Variants in NXPH2 observed in about 807,000 individuals in gnomAD.
The protein encoded by NXPH2 is neurexophilin-2.
In NXPH2, 5 loss-of-function variants were observed where a neutral mutation model predicts 19.8. The ratio of observed to expected loss-of-function variants is 0.25; its 90% CI spans 0.13 to 0.53. NXPH2 has a LOEUF of 0.53. Ranked by LOEUF, NXPH2 falls within the 20% of genes least tolerant of loss-of-function variation. NXPH2 has a pLI of 0.96. For synonymous variants in NXPH2, 154 were observed against 127.4 expected (o/e 1.21, Z -1.41); for missense variants, 289 against 322.8 (o/e 0.90, Z 0.80).
rs141931833 is a variant in NXPH2 at position 138,707,790 on chromosome 2, T to A, written c.52-36125A>T. Among the ~76,000 whole-genome samples the A allele has an allele frequency of 5.8e-4, 89 of 152,328 alleles. No homozygotes were observed. The East Asian group carries it at 0.013, about 23-fold the overall frequency. Reference sequence around the variant, plus strand: ...TGCCAGGTCTTAAAATTATCCCTTGTAACTTTCTTCTCTGTGGATTTGGCC... The same window carrying A: ...TGCCAGGTCTTAAAATTATCCCTTGAAACTTTCTTCTCTGTGGATTTGGCC... On this transcript the variant is annotated intron_variant, in intron 1 of 1. Coordinates refer to ENST00000272641, the MANE Select transcript of NXPH2 (RefSeq NM_007226.3).
intron 1 of NXPH2, among the ~76,000 whole-genome samples, chr2:138,738,894 A>C (rs1266209840): frequency 6.6e-6 from 1 of 152,196 alleles, no homozygotes; most frequent in Non-Finnish European, 1.5e-5. Flanking sequence ...ACAGGCCTAT[A>C]AGACCTTGTC....
chr2:138,775,206 T>A lies in NXPH2; in HGVS notation c.51+4985A>T, dbSNP rs377124492. Among the ~76,000 whole-genome samples, 24 of 152,292 alleles carry A rather than the reference T, an allele frequency of 1.6e-4. No individual in the cohort carries two copies. In the South Asian group the frequency reaches 4.8e-3, roughly 30 times the overall value. ...TAAATAATGGAAATTTCATTTTTAA[T>A]GGTAATTCTATAAGGAAAGATAATT... On this transcript the variant is annotated intron_variant, in intron 1 of 1. Coordinates refer to ENST00000272641, the MANE Select transcript of NXPH2 (RefSeq NM_007226.3).
At chr2:138,672,814 A>G (rs1680433512) in intron 1 of NXPH2, among the ~76,000 whole-genome samples, 2 of 152,208 alleles carry the variant, frequency 1.3e-5, no homozygotes, top group Admixed American at 6.5e-5. Flanking sequence ...TATTCCCAAA[A>G]TTATTGCTTT....
At position 138,762,609 on chromosome 2, in the gene NXPH2, C is replaced by A. The variant is rs186792853; in HGVS notation, c.51+17582G>T. Among the ~76,000 whole-genome samples, 82 of 152,224 alleles carry A rather than the reference C, an allele frequency of 5.4e-4. 1 individual carries two copies. Among genetic ancestry groups the A allele is most frequent in the African/African-American group, 2.0e-3 (81 of 41,538 alleles). ...AAAAGATGAGAAGGGTTTATTACAC[C>A]CTAATATTTTTCTTGTTCAAAACCC... On this transcript the variant is annotated intron_variant, in intron 1 of 1. Transcript: ENST00000272641.
Position 138,669,432 on chromosome 2 carries a change from G to C in NXPH2, c.*1490C>G, listed in dbSNP as rs954921326. On this transcript the variant is annotated 3_prime_UTR_variant, in exon 2 of 2. Coordinates refer to ENST00000272641, the MANE Select transcript of NXPH2 (RefSeq NM_007226.3). ...TAAGCTTAGTACAATTTTTACAAAA[G>C]ACAAAAATTGAACACTGCAGATATT... Among the ~76,000 whole-genome samples, 1 of 151,972 alleles carries C rather than the reference G, an allele frequency of 6.6e-6. No homozygotes were observed. Among genetic ancestry groups the C allele is most frequent in the Non-Finnish European group, 1.5e-5 (1 of 67,968 alleles).
At chr2:138,719,922 C>A (rs924906055) in intron 1 of NXPH2, among the ~76,000 whole-genome samples, 2 of 152,008 alleles carry the variant, frequency 1.3e-5, no homozygotes, top group Admixed American at 1.3e-4. Flanking sequence ...GTGCAAATAG[C>A]TTTTTATAAA....
At chr2:138,692,925 A>T (rs919042548) in intron 1 of NXPH2, among the ~76,000 whole-genome samples, 1 of 152,216 alleles carries the variant, frequency 6.6e-6, no homozygotes, top group African/African-American at 2.4e-5. Context: ...CCTTTTGTTC[A>T]TATAAATTAA....
chr2:138,773,967 T>G (rs546438170), intron 1 of NXPH2, among the ~76,000 whole-genome samples: 2 of 152,340 alleles, frequency 1.3e-5, no homozygotes, highest in African/African-American at 4.8e-5. Context: ...CCAGTTTTTT[T>G]GTTTGTTTTA....
chr2:138,739,046 T>A (rs1336509668), intron 1 of NXPH2, among the ~76,000 whole-genome samples: 3 of 152,028 alleles, frequency 2.0e-5, no homozygotes, highest in African/African-American at 7.2e-5. Flanking sequence ...ATACAACGAG[T>A]TAAAATCCAC....
At chr2:138,749,626 G>A (rs888974370) in intron 1 of NXPH2, among the ~76,000 whole-genome samples, 4 of 151,930 alleles carry the variant, frequency 2.6e-5, no homozygotes, top group African/African-American at 7.3e-5. Context: ...AGAATTATTA[G>A]TGTAAAAATA....
intron 1 of NXPH2, among the ~76,000 whole-genome samples, chr2:138,696,869 T>A (rs1680837178): frequency 6.6e-6 from 1 of 152,044 alleles, no homozygotes; most frequent in Admixed American, 6.6e-5. Context: ...TAATGAACCA[T>A]CAAATATAGA....
At chr2:138,689,140 C>G (rs777641605) in intron 1 of NXPH2, among the ~76,000 whole-genome samples, 1 of 152,156 alleles carries the variant, frequency 6.6e-6, no homozygotes, top group Non-Finnish European at 1.5e-5. Context: ...TGTACCCAAA[C>G]GACCATATCA....
intron 1 of NXPH2, among the ~76,000 whole-genome samples, chr2:138,714,565 G>T (rs1036969234): frequency 6.6e-6 from 1 of 152,084 alleles, no homozygotes; most frequent in Non-Finnish European, 1.5e-5. Context: ...GAGACAGGAA[G>T]CAGGCAGACT....
At chr2:138,734,321 T>C (rs1228752030) in intron 1 of NXPH2, among the ~76,000 whole-genome samples, 1 of 152,154 alleles carries the variant, frequency 6.6e-6, no homozygotes, top group Non-Finnish European at 1.5e-5. Context: ...AGAAGCAGGA[T>C]TTACATTGGA....
At chr2:138,738,645 C>T (rs1266172537) in intron 1 of NXPH2, among the ~76,000 whole-genome samples, 4 of 152,202 alleles carry the variant, frequency 2.6e-5, no homozygotes, top group Admixed American at 2.0e-4. Context: ...AGTCTTGTTC[C>T]TACAACAAAG....
intron 1 of NXPH2, among the ~76,000 whole-genome samples, chr2:138,682,050 T>A (rs1680587242): frequency 6.6e-6 from 1 of 152,156 alleles, no homozygotes; most frequent in African/African-American, 2.4e-5. Flanking sequence ...GTTGCTTACA[T>A]ATAGCTTACA....
chr2:138,699,449 A>G (rs571846805), intron 1 of NXPH2, among the ~76,000 whole-genome samples: 43 of 152,298 alleles, frequency 2.8e-4, no homozygotes, highest in African/African-American at 9.4e-4. Flanking sequence ...TAATTCATTA[A>G]GAATCATCCT....
chr2:138,721,731 CTCAGCCTCGCTTTCTTA>C (rs1330263178), intron 1 of NXPH2, among the ~76,000 whole-genome samples: 6 of 152,204 alleles, frequency 3.9e-5, no homozygotes, highest in African/African-American at 1.4e-4. Context: ...CCTTGCTAGG[CTCAGCCTCGCTTTCTTA>C]CCTTTCTTCT....
chr2:138,753,400 T>C (rs1681854167), intron 1 of NXPH2, among the ~76,000 whole-genome samples: 1 of 152,076 alleles, frequency 6.6e-6, no homozygotes, highest in South Asian at 2.1e-4. Flanking sequence ...TCTAGGACCA[T>C]GTTGTATATT....
Sources: gnomAD v4.1 joint callset for allele counts (sites outside exome capture counted in the v4.1 genomes callset) on GRCh38, gnomAD v4.1.1 for gene constraint, MANE v1.5 for transcripts, NCBI Gene and HGNC (gene_info 2026-07-23, HGNC 2026-07-21) for gene names.